The following ARMC9 variants were observed in gnomAD, a reference collection of about 807,000 sequenced individuals.
ARMC9 encodes the protein armadillo repeat containing 9, also known as lisH domain-containing protein ARMC9.
Under a neutral mutation model 107.0 loss-of-function variants are expected in ARMC9, and 94 were observed. That is an observed-to-expected ratio of 0.88 (90% CI 0.74 to 1.04). ARMC9 has a LOEUF of 1.04. Among genes scored for constraint, ARMC9 ranks in the 50% least tolerant of loss-of-function variants. ARMC9 has a pLI of 0.00. For synonymous variants in ARMC9, 380 were observed against 396.9 expected (o/e 0.96, Z 0.51); for missense variants, 942 against 1,030.1 (o/e 0.91, Z 1.17).
chr2:231,218,343 CAA>C (rs2033754104), intron 5 of ARMC9, among the ~76,000 whole-genome samples: 1 of 151,206 alleles, frequency 6.6e-6, no homozygotes, highest in South Asian at 2.1e-4. Context: ...GAGGATAAAA[CAA>C]AGAAAATAAT....
At chr2:231,256,190 G>C in intron 9 of ARMC9, 1 of 1,534,194 alleles carries the variant, frequency 6.5e-7, no homozygotes, top group Non-Finnish European at 8.8e-7. Context: ...GCAGGTGCGC[G>C]TGGAATTCAT....
intron 5 of ARMC9, among the ~76,000 whole-genome samples, chr2:231,217,018 A>G (rs1014589643): frequency 1.3e-5 from 2 of 152,244 alleles, no homozygotes; most frequent in African/African-American, 4.8e-5. Context: ...ACTTCTACAT[A>G]CATTAAATCT....
In ARMC9 at chr2:231,372,051, G is replaced by A. The variant is rs1201326633; in HGVS notation, c.*516G>A. On this transcript the variant is annotated 3_prime_UTR_variant, in exon 25 of 25. Coordinates refer to ENST00000611582, the MANE Select transcript of ARMC9 (RefSeq NM_001352754.2). Reference sequence around the variant, plus strand: ...AGCCTGCGTCTCAGCAGCAAAGTTGGTGTTTTCTTCCTGTGTTAAAATCTG... The same window carrying A: ...AGCCTGCGTCTCAGCAGCAAAGTTGATGTTTTCTTCCTGTGTTAAAATCTG... 1 of 153,396 alleles carries A rather than the reference G, an allele frequency of 6.5e-6. No homozygotes were observed. The highest frequency in any genetic ancestry group is 1.5e-5 in the Non-Finnish European group (1 of 68,882). 9.5% of individuals were successfully genotyped at this position (153,396 alleles called of 1,614,324 possible). A position where few individuals can be genotyped will look rare whatever the true frequency, so the allele number is the denominator to read the frequency against.
chr2:231,229,961 A>T (rs1270722414), intron 7 of ARMC9, among the ~76,000 whole-genome samples: 1 of 152,196 alleles, frequency 6.6e-6, no homozygotes, highest in Non-Finnish European at 1.5e-5. Flanking sequence ...CATCACTGTT[A>T]TGTCAGTAAT....
intron 6 of ARMC9, among the ~76,000 whole-genome samples, chr2:231,223,518 A>G (rs2034352100): frequency 6.6e-6 from 1 of 152,258 alleles, no homozygotes; most frequent in Non-Finnish European, 1.5e-5. Context: ...TGGAATAAAA[A>G]TGTATCCAAA....
chr2:231,299,702 G>A (rs2041605292), intron 19 of ARMC9, among the ~76,000 whole-genome samples: 1 of 152,200 alleles, frequency 6.6e-6, no homozygotes, highest in Admixed American at 6.5e-5. Flanking sequence ...TTAAAATGCT[G>A]ATGGAGTAGC....
At chr2:231,249,971 G>A (rs549983138) in intron 9 of ARMC9, among the ~76,000 whole-genome samples, 1 of 127,516 alleles carries the variant, frequency 7.8e-6, no homozygotes, top group Admixed American at 7.6e-5. Flanking sequence ...ACACCTCCAC[G>A]GGAGGGAGAC....
intron 9 of ARMC9, among the ~76,000 whole-genome samples, chr2:231,247,586 G>A (rs116089164): frequency 0.013 from 1,928 of 152,280 alleles, 19 homozygotes; most frequent in Non-Finnish European, 0.021. Context: ...GCTATACCTC[G>A]TATACCAATG....
At chr2:231,208,378 C>T in intron 3 of ARMC9, 126 bp downstream of exon 3, 1 of 727,242 alleles carries the variant, frequency 1.4e-6, no homozygotes, top group Non-Finnish European at 2.4e-6. Context: ...TTAGATGGCA[C>T]AAGTGTTTAT....
chr2:231,300,459 C>G (rs1042733241), intron 19 of ARMC9, among the ~76,000 whole-genome samples: 1 of 152,180 alleles, frequency 6.6e-6, no homozygotes, highest in East Asian at 1.9e-4. Flanking sequence ...TAGGGAAGAT[C>G]ACAGTGATTC....
intron 21 of ARMC9, 37 bp from the exon 22 acceptor site, chr2:231,355,761 G>A (rs913989119): frequency 6.6e-7 from 1 of 1,512,290 alleles, no homozygotes; most frequent in Non-Finnish European, 8.9e-7. Context: ...TCTCCTGGCT[G>A]GCTGTACTCA....
At chr2:231,357,552 G>A (rs778039285) in intron 22 of ARMC9, among the ~76,000 whole-genome samples, 24 of 151,400 alleles carry the variant, frequency 1.6e-4, no homozygotes, top group Non-Finnish European at 3.4e-4. Context: ...AACACCCCTA[G>A]TCCTCCTTTT....
rs1355986183 is a variant in ARMC9 at position 231,369,965 on chromosome 2, A to G, written c.2274A>G (p.Ser758=). 2.6e-6 allele frequency: 4 copies of G among 1,516,294 alleles called. No homozygotes were observed. The highest frequency in any genetic ancestry group is 2.6e-6 in the Non-Finnish European group (3 of 1,135,340). The allele number at this position is 1,516,294 out of a possible 1,614,324, so 93.9% of individuals were successfully genotyped here. The part of the protein sequence containing the change: ...GNGVTTRECA[S]AFTCKPRAPC... The stretch of plus-strand genomic sequence containing the variant: ...CGTTTTGTTCTAGGGAATGTGCATC[A>G]GCCTTCACCTGCAAGCCCCGGGCCC... Residue 758 remains serine (S), a synonymous_variant, in exon 24 of 25, where the codon TCA becomes TCG. Coordinates refer to ENST00000611582, the MANE Select transcript of ARMC9 (RefSeq NM_001352754.2).
intron 21 of ARMC9, among the ~76,000 whole-genome samples, chr2:231,347,435 T>C (rs2044859610): frequency 6.6e-6 from 1 of 152,044 alleles, no homozygotes; most frequent in East Asian, 1.9e-4. Flanking sequence ...TGGAATGCAG[T>C]GGGCACTCTC....
intron 16 of ARMC9, among the ~76,000 whole-genome samples, chr2:231,278,771 T>C (rs2039975335): frequency 6.6e-6 from 1 of 152,202 alleles, no homozygotes; most frequent in South Asian, 2.1e-4. Flanking sequence ...TCCCTTGGTA[T>C]GTTTAATGTA....
At chr2:231,298,563 A>G (rs1398019123) in intron 19 of ARMC9, among the ~76,000 whole-genome samples, 1 of 152,240 alleles carries the variant, frequency 6.6e-6, no homozygotes, top group Non-Finnish European at 1.5e-5. Context: ...TTAGCAGTGT[A>G]AATGTTCTTT....
chr2:231,324,048 A>G (rs2043149177), intron 19 of ARMC9, among the ~76,000 whole-genome samples: 1 of 152,116 alleles, frequency 6.6e-6, no homozygotes, highest in African/African-American at 2.4e-5. Flanking sequence ...TATTAGGAAC[A>G]AATGCAGAAA....
At chr2:231,200,443 T>C (rs1483224686) in intron 1 of ARMC9, among the ~76,000 whole-genome samples, 1 of 151,892 alleles carries the variant, frequency 6.6e-6, no homozygotes, top group Admixed American at 6.6e-5. Flanking sequence ...GCACTTTGGG[T>C]GGGTGAATCG....
intron 23 of ARMC9, among the ~76,000 whole-genome samples, chr2:231,363,845 C>G (rs2045693116): frequency 7.2e-6 from 1 of 138,252 alleles, no homozygotes; most frequent in Non-Finnish European, 1.5e-5. Flanking sequence ...GATCGCACCA[C>G]TGCACTCCAG....
Sources: gnomAD v4.1 joint callset for allele counts (sites outside exome capture counted in the v4.1 genomes callset) on GRCh38, gnomAD v4.1.1 for gene constraint, MANE v1.5 for transcripts, NCBI Gene and HGNC (gene_info 2026-07-23, HGNC 2026-07-21) for gene names.